Variants in PALLD observed in about 807,000 individuals in gnomAD.
PALLD encodes the protein palladin, cytoskeletal associated protein.
Under a neutral mutation model 123.5 loss-of-function variants are expected in PALLD, and 61 were observed. The observed-to-expected ratio is 0.49, with a 90% CI of 0.40 to 0.61. The LOEUF (loss-of-function observed/expected upper bound fraction) is 0.61, where lower values mean the gene tolerates loss of function less well. Ranked by LOEUF, PALLD falls within the 20% of genes least tolerant of loss-of-function variation. PALLD has a pLI of 0.00. For synonymous variants in PALLD, 465 were observed against 496.4 expected, an observed-to-expected ratio of 0.94 and a Z score of 0.84; for missense variants, 1,273 against 1,377.0, an observed-to-expected ratio of 0.92 and a Z score of 1.20.
At chr4:168,545,038 G>T (rs1377759069) in intron 2 of PALLD, among the ~76,000 whole-genome samples, 1 of 152,168 alleles carries the variant, frequency 6.6e-6, no homozygotes, top group Non-Finnish European at 1.5e-5. Context: ...TGGAATATTA[G>T]ATTAACTCTC....
intron 2 of PALLD, among the ~76,000 whole-genome samples, chr4:168,559,480 A>C (rs1767644009): frequency 6.6e-6 from 1 of 152,232 alleles, no homozygotes; most frequent in Non-Finnish European, 1.5e-5. Context: ...ATTATATCAA[A>C]ATTCAAACAT....
intron 10 of PALLD, chr4:168,832,102 G>GCCCGCTGCAGCT: frequency 1.0e-6 from 1 of 980,726 alleles, no homozygotes. Flanking sequence ...GGTCCGCGGA[G>GCCCGCTGCAGCT]CCCGCTGCAG....
intron 10 of PALLD, among the ~76,000 whole-genome samples, chr4:168,877,204 A>T (rs1007596579): frequency 6.6e-6 from 1 of 152,210 alleles, no homozygotes; most frequent in African/African-American, 2.4e-5. Context: ...TAAATTTTTT[A>T]AAAAATCCAC....
intron 8 of PALLD, among the ~76,000 whole-genome samples, chr4:168,698,366 G>C (rs1017897842): frequency 6.6e-6 from 1 of 151,762 alleles, no homozygotes; most frequent in Admixed American, 6.6e-5. Context: ...TAATTGGATT[G>C]TTTAATTGGA....
chr4:168,612,087 G>C (rs12186327), intron 2 of PALLD, among the ~76,000 whole-genome samples: 13,922 of 152,110 alleles, frequency 0.092, 801 homozygotes, highest in Non-Finnish European at 0.12. Context: ...TTGAGCCCGA[G>C]AGGTTGAGGC....
At chr4:168,713,978 G>A (rs940736465) in intron 10 of PALLD, among the ~76,000 whole-genome samples, 21 of 72,784 alleles carry the variant, frequency 2.9e-4, no homozygotes, top group African/African-American at 7.1e-4. Context: ...TCAAATCTTC[G>A]TATGTTTAAA....
intron 3 of PALLD, among the ~76,000 whole-genome samples, chr4:168,670,948 C>T (rs1018864832): frequency 1.3e-5 from 2 of 151,196 alleles, no homozygotes; most frequent in African/African-American, 2.4e-5. Context: ...CAGCTGTAGT[C>T]CCAGCTACCC....
chr4:168,685,569 C>T lies in PALLD; in HGVS notation c.1335+10C>T. Reference sequence around the variant, plus strand: ...TCCTGTTTTTACAAAGGTCTGACATCTGGAAGTCTCATTCTCTGTGTTTGC... The same window carrying T: ...TCCTGTTTTTACAAAGGTCTGACATTTGGAAGTCTCATTCTCTGTGTTTGC... On this transcript the variant is annotated intron_variant, in intron 6 of 21. Coordinates refer to ENST00000505667, the MANE Select transcript of PALLD (RefSeq NM_001166108.2). 2 of 1,565,960 alleles carry T rather than the reference C, an allele frequency of 1.3e-6. No homozygotes were observed. The highest frequency in any genetic ancestry group is 2.2e-5 in the East Asian group (1 of 44,652).
At position 168,589,429 on chromosome 4, in the gene PALLD, C is replaced by A. The variant is rs148821241; in HGVS notation, c.908+77017C>A. 5.4e-3 allele frequency among the ~76,000 whole-genome samples: 819 copies of A among 152,160 alleles called. 4 individuals are homozygous for A. The highest frequency in any genetic ancestry group is 0.017 in the African/African-American group (709 of 41,520). The stretch of plus-strand genomic sequence containing the variant: ...AATTCTGAGTCATCTTTTTTTAAGG[C>A]CATTTTTTGTCCGTTTCCTCCTGCG... On this transcript the variant is annotated intron_variant, in intron 2 of 21. Transcript: ENST00000505667.
At chr4:168,624,949 G>T (rs572313923) in intron 2 of PALLD, among the ~76,000 whole-genome samples, 1 of 152,000 alleles carries the variant, frequency 6.6e-6, no homozygotes, top group Non-Finnish European at 1.5e-5. Context: ...TTCTTAGCTA[G>T]AAAGACTTGA....
At chr4:168,609,585 C>T (rs193035008) in intron 2 of PALLD, among the ~76,000 whole-genome samples, 269 of 152,162 alleles carry the variant, frequency 1.8e-3, no homozygotes, top group African/African-American at 6.0e-3. Context: ...TGCCTTCATG[C>T]GGGGGTATCA....
chr4:168,846,038 T>A (rs77708293), intron 10 of PALLD, among the ~76,000 whole-genome samples: 3,480 of 152,306 alleles, frequency 0.023, 127 homozygotes, highest in African/African-American at 0.076. Context: ...AGGATACCTC[T>A]TTTTGCTACT....
intron 10 of PALLD, among the ~76,000 whole-genome samples, chr4:168,722,205 C>T (rs1030163488): frequency 6.6e-6 from 1 of 152,056 alleles, no homozygotes; most frequent in African/African-American, 2.4e-5. Context: ...ACACCACACC[C>T]AGCTATTTTT....
At chr4:168,783,047 T>C (rs1736158153) in intron 10 of PALLD, among the ~76,000 whole-genome samples, 1 of 29,880 alleles carries the variant, frequency 3.3e-5, no homozygotes, top group Non-Finnish European at 1.1e-4. Flanking sequence ...TATATATATA[T>C]GTGTGTGTGT....
chr4:168,724,493 G>GT (rs1476062837), intron 10 of PALLD, among the ~76,000 whole-genome samples: 4 of 152,190 alleles, frequency 2.6e-5, no homozygotes, highest in Admixed American at 6.5e-5. Flanking sequence ...CCTGACTAAA[G>GT]TGATGATTAC....
At chr4:168,919,919 C>G (rs1761086809) in intron 17 of PALLD, among the ~76,000 whole-genome samples, 1 of 152,118 alleles carries the variant, frequency 6.6e-6, no homozygotes, top group Admixed American at 6.5e-5. Flanking sequence ...TTCTCTTTGC[C>G]CTAGCATGAG....
At chr4:168,555,507 C>G (rs1767189057) in intron 2 of PALLD, among the ~76,000 whole-genome samples, 2 of 152,252 alleles carry the variant, frequency 1.3e-5, no homozygotes, top group South Asian at 2.1e-4. Context: ...CTTGCTGCTC[C>G]CTGGGTTCTA....
chr4:168,519,886 T>C (rs955929620), intron 2 of PALLD, among the ~76,000 whole-genome samples: 4 of 136,536 alleles, frequency 2.9e-5, no homozygotes, highest in African/African-American at 1.1e-4. Flanking sequence ...TTCTTTTATT[T>C]CTTAATTCAT....
At chr4:168,925,374 A>C (rs1340538565) in intron 21 of PALLD, 96 bp downstream of exon 21, 4 of 900,694 alleles carry the variant, frequency 4.4e-6, no homozygotes, top group Non-Finnish European at 7.5e-6. Flanking sequence ...AAGCATCCTT[A>C]GGAGTTAACA....
Sources: allele counts gnomAD v4.1 joint callset (sites outside exome capture counted in the v4.1 genomes callset), GRCh38; gene constraint gnomAD v4.1.1; transcripts MANE v1.5; gene names NCBI Gene and HGNC (gene_info 2026-07-23, HGNC 2026-07-21).